ARHGAP42: variants seen among roughly 807,000 people sequenced by gnomAD.
The protein encoded by ARHGAP42 is rho GTPase-activating protein 42.
ARHGAP42 carries 63 observed loss-of-function variants against 125.0 expected under a neutral mutation model. That is an observed-to-expected ratio of 0.50 (90% CI 0.41 to 0.62). The LOEUF is 0.62. Ranked by LOEUF, ARHGAP42 falls within the 20% of genes least tolerant of loss-of-function variation. The probability of loss-of-function intolerance (pLI) is 0.00; values close to 1 mark genes in which losing one functional copy is unlikely to be tolerated. For synonymous variants in ARHGAP42, 339 were observed against 351.0 expected (o/e 0.97, Z 0.38); for missense variants, 766 against 1,024.2 (o/e 0.75, Z 3.44).
At chr11:100,769,721 T>C in intron 1 of ARHGAP42, among the ~76,000 whole-genome samples, 1 of 126,694 alleles carries the variant, frequency 7.9e-6, no homozygotes, top group South Asian at 2.6e-4. Flanking sequence ...TCTTTTTTTT[T>C]TTTTTTTTTT....
intron 9 of ARHGAP42, among the ~76,000 whole-genome samples, chr11:100,942,142 C>T (rs1339984541): frequency 6.6e-6 from 1 of 152,140 alleles, no homozygotes; most frequent in Non-Finnish European, 1.5e-5. Flanking sequence ...ACAGAGGTGT[C>T]ATCTCACATT....
At chr11:100,953,710 A>AATC (rs1857725383) in intron 12 of ARHGAP42, among the ~76,000 whole-genome samples, 1 of 152,208 alleles carries the variant, frequency 6.6e-6, no homozygotes, top group Non-Finnish European at 1.5e-5. Context: ...GGAAAGCTTG[A>AATC]ATCACCTTTA....
intron 1 of ARHGAP42, among the ~76,000 whole-genome samples, chr11:100,726,947 A>C (rs539378871): frequency 2.0e-5 from 3 of 152,302 alleles, no homozygotes; most frequent in Admixed American, 2.0e-4. Context: ...ATCCTAGGGG[A>C]AGTCCTGAAA....
intron 9 of ARHGAP42, among the ~76,000 whole-genome samples, chr11:100,942,610 A>G (rs1178678565): frequency 6.6e-6 from 1 of 152,162 alleles, no homozygotes; most frequent in Non-Finnish European, 1.5e-5. Context: ...CCTTATTTTA[A>G]CAGATTAGGA....
chr11:100,921,337 C>T (rs1412948550), intron 5 of ARHGAP42, among the ~76,000 whole-genome samples, 157 bp from the exon 6 acceptor site: 7 of 143,306 alleles, frequency 4.9e-5, no homozygotes, highest in African/African-American at 1.8e-4. Flanking sequence ...AGTGTAGCTC[C>T]TGCCCCATAC....
chr11:100,987,503 G>T lies in ARHGAP42; in HGVS notation c.2457-10G>T. ...TGTTGAGGTTTTGACAAGTTGTCTT[G>T]CTCTTTCAGCCAAGCCAAAGCCATG... On this transcript the variant is annotated splice_polypyrimidine_tract_variant and intron_variant, in intron 22 of 23. Transcript: ENST00000298815. The T allele has an allele frequency of 1.3e-6, 2 of 1,551,296 alleles. No individual in the cohort carries two copies. Among genetic ancestry groups the T allele is most frequent in the Non-Finnish European group, 1.7e-6 (2 of 1,146,536 alleles).
intron 1 of ARHGAP42, among the ~76,000 whole-genome samples, chr11:100,709,926 T>C (rs576847190): frequency 1.3e-5 from 2 of 152,314 alleles, no homozygotes; most frequent in South Asian, 4.1e-4. Flanking sequence ...TCTGTTATCC[T>C]GAAATGAAGC....
At chr11:100,891,027 T>C (rs1866204809) in intron 4 of ARHGAP42, among the ~76,000 whole-genome samples, 1 of 152,200 alleles carries the variant, frequency 6.6e-6, no homozygotes, top group Non-Finnish European at 1.5e-5. Context: ...GAGATGCCTT[T>C]CCTTATCCAC....
chr11:100,970,850 G>C (rs1262400857), intron 17 of ARHGAP42, among the ~76,000 whole-genome samples: 1 of 152,026 alleles, frequency 6.6e-6, no homozygotes, highest in Non-Finnish European at 1.5e-5. Flanking sequence ...TGGCTAGTTG[G>C]AGGCAAAGAA....
intron 1 of ARHGAP42, among the ~76,000 whole-genome samples, chr11:100,749,459 C>A (rs1340276302): frequency 3.3e-5 from 5 of 151,410 alleles, no homozygotes; most frequent in Non-Finnish European, 7.4e-5. Flanking sequence ...GAAGGCTAAC[C>A]CCTCAAACCA....
intron 12 of ARHGAP42, among the ~76,000 whole-genome samples, chr11:100,955,766 C>A (rs980802249): frequency 1.4e-4 from 21 of 151,656 alleles, no homozygotes; most frequent in African/African-American, 4.6e-4. Flanking sequence ...TAACCCTTTC[C>A]ATCGACATTT....
intron 10 of ARHGAP42, 129 bp downstream of exon 10, chr11:100,943,997 T>C: frequency 1.6e-6 from 1 of 606,426 alleles, no homozygotes. Flanking sequence ...CATGTTTATC[T>C]CTTTCTTTCA....
chr11:100,737,881 C>T (rs1862100533), intron 1 of ARHGAP42, among the ~76,000 whole-genome samples: 1 of 152,220 alleles, frequency 6.6e-6, no homozygotes, highest in Non-Finnish European at 1.5e-5. Flanking sequence ...GCCTATTGCT[C>T]ATGATCAATC....
rs151237834 is a variant in ARHGAP42 at position 100,695,239 on chromosome 11, G to A, written c.154+7407G>A. Among the ~76,000 whole-genome samples the A allele has an allele frequency of 3.5e-3, 530 of 152,350 alleles. 2 individuals carry two copies. Among genetic ancestry groups the A allele is most frequent in the African/African-American group, 0.012 (502 of 41,580 alleles). On this transcript the variant is annotated intron_variant, in intron 1 of 23. Transcript: ENST00000298815. ...TGATAACAGGGCAGTCAATGGAAATGTAATTATTTTAATTATTTTGTCTTT... is the reference window on the plus strand; with the variant it reads ...TGATAACAGGGCAGTCAATGGAAATATAATTATTTTAATTATTTTGTCTTT...
chr11:100,954,673 C>G (rs1020131863), intron 12 of ARHGAP42, among the ~76,000 whole-genome samples: 1 of 152,032 alleles, frequency 6.6e-6, no homozygotes, highest in Non-Finnish European at 1.5e-5. Context: ...ATCCCCTGAT[C>G]TTTGATCAGT....
chr11:100,915,655 A>AT (rs901792803), intron 5 of ARHGAP42, among the ~76,000 whole-genome samples: 1 of 152,174 alleles, frequency 6.6e-6, no homozygotes, highest in African/African-American at 2.4e-5. Context: ...GTATAATAGA[A>AT]TATTCATTCT....
chr11:100,736,385 C>A (rs558706867), intron 1 of ARHGAP42, among the ~76,000 whole-genome samples: 2 of 152,264 alleles, frequency 1.3e-5, no homozygotes, highest in South Asian at 4.1e-4. Flanking sequence ...TGGTGGAAAT[C>A]CCCCTGAGCT....
intron 1 of ARHGAP42, among the ~76,000 whole-genome samples, chr11:100,744,557 T>TGCGC (rs1555113080): frequency 4.6e-5 from 7 of 150,554 alleles, no homozygotes; most frequent in South Asian, 2.1e-4. Context: ...TGTGTGTGTG[T>TGCGC]GTGTGTGCGT....
intron 22 of ARHGAP42, 86 bp downstream of exon 22, chr11:100,979,135 C>G: frequency 7.6e-7 from 1 of 1,317,020 alleles, no homozygotes; most frequent in Non-Finnish European, 1.1e-6. Context: ...TGTGACAGCT[C>G]CGCCTCTCCA....
Sources: allele counts gnomAD v4.1 joint callset (sites outside exome capture counted in the v4.1 genomes callset), GRCh38; gene constraint gnomAD v4.1.1; transcripts MANE v1.5; gene names NCBI Gene and HGNC (gene_info 2026-07-23, HGNC 2026-07-21).